The following ERC1 variants were observed in gnomAD, a reference collection of about 807,000 sequenced individuals.
ERC1 encodes RAB6 interacting protein 2.
Under a neutral mutation model 132.0 loss-of-function variants are expected in ERC1, and 56 were observed. That is an observed-to-expected ratio of 0.42 (90% CI 0.34 to 0.53). The LOEUF (loss-of-function observed/expected upper bound fraction) is 0.53, where lower values mean the gene tolerates loss of function less well. ERC1 is among the 20% of genes least tolerant of loss of function. ERC1 has a pLI of 0.03. For synonymous variants in ERC1, 478 were observed against 476.1 expected, an observed-to-expected ratio of 1.00 and a Z score of -0.05; for missense variants, 1,202 against 1,349.9, an observed-to-expected ratio of 0.89 and a Z score of 1.72.
intron 12 of ERC1, among the ~76,000 whole-genome samples, chr12:1,217,765 G>A (rs1330618478): frequency 1.3e-5 from 2 of 151,964 alleles, no homozygotes; most frequent in South Asian, 2.1e-4. Context: ...TTCCTTACCC[G>A]GGTCAGATTT....
chr12:1,238,113 CCAATAA>C (rs1011191142), intron 13 of ERC1, among the ~76,000 whole-genome samples: 5 of 151,090 alleles, frequency 3.3e-5, no homozygotes, highest in African/African-American at 1.2e-4. Flanking sequence ...CTCATCCTTG[CCAATAA>C]CAGTTAATAT....
chr12:1,287,892 A>G lies in ERC1; in HGVS notation c.2620-1960A>G, dbSNP rs142441276. ...GAGAATTCTGACTAAGGTACAGACA[A>G]TACCAAGCATTTATTTCTCGTTCAC... On this transcript the variant is annotated intron_variant, in intron 14 of 18. Coordinates refer to ENST00000360905, the MANE Select transcript of ERC1 (RefSeq NM_178040.4). Among the ~76,000 whole-genome samples, 77 of 152,340 alleles carry G rather than the reference A, an allele frequency of 5.1e-4. 1 individual carries two copies. In the East Asian group the frequency reaches 0.012, roughly 23 times the overall value.
chr12:1,484,288 AGC>A (rs1565530992), intron 18 of ERC1, among the ~76,000 whole-genome samples: 4 of 151,290 alleles, frequency 2.6e-5, no homozygotes, highest in Admixed American at 2.6e-4. Context: ...CTGGTGACAG[AGC>A]GAGACTCCGT....
intron 18 of ERC1, among the ~76,000 whole-genome samples, chr12:1,482,117 T>C (rs1389842747): frequency 1.3e-5 from 2 of 152,200 alleles, no homozygotes; most frequent in Non-Finnish European, 2.9e-5. Context: ...TGAGGAGTGA[T>C]GCCCATGTCT....
rs536239992 is a variant in ERC1, at chr12:1,355,761, A to T, written c.2781-16072A>T. Among the ~76,000 whole-genome samples, 18 of 152,316 alleles carry T rather than the reference A, an allele frequency of 1.2e-4. 1 individual carries two copies. The highest frequency in any genetic ancestry group is 4.3e-4 in the African/African-American group (18 of 41,570). ...TATTTTGGGAAACTGAATTCACTCT[A>T]CGAGGTGGGCACCAGTGAACCACTA... On this transcript the variant is annotated intron_variant, in intron 15 of 18. Transcript: ENST00000360905.
chr12:1,121,711 GTCTCTATCTCTATCTCTATCTCTA>G (rs1256113451), intron 7 of ERC1, among the ~76,000 whole-genome samples: 2 of 40,500 alleles, frequency 4.9e-5, no homozygotes, highest in African/African-American at 9.6e-5. Context: ...CTCTATCTGT[GTCTCTATCTCTATCTCTATCTCTA>G]TCTCTATCTA....
Position 1,480,876 on chromosome 12 carries a change from C to T in ERC1, c.3214-9217C>T, listed in dbSNP as rs141237756. 25 of 702,490 alleles carry T rather than the reference C, an allele frequency of 3.6e-5. No homozygotes were observed. The African/African-American group carries it at 3.7e-4, about 10-fold the overall frequency. 43.5% of individuals were successfully genotyped at this position (702,490 alleles called of 1,614,324 possible). ...GCATCCCAAAGCCATGGAAAAACTG[C>T]CTTTTTTCATGTGATGCTCATGGTA... On this transcript the variant is annotated intron_variant, in intron 18 of 18. Coordinates refer to ENST00000360905, the MANE Select transcript of ERC1 (RefSeq NM_178040.4).
rs577303312 is a variant in ERC1 at position 1,013,733 on chromosome 12, TGTCTGTCTGTCTTTGG to T, written c.-156-14001_-156-13986del. The stretch of plus-strand genomic sequence containing the variant: ...TAGATTTATTTTCTTTCTGTCTTTC[TGTCTGTCTGTCTTTGG>T]GTCTGTCTGTCTTCCTTTGTCACCC... On this transcript the variant is annotated intron_variant, in intron 1 of 18. Coordinates refer to ENST00000360905, the MANE Select transcript of ERC1 (RefSeq NM_178040.4). 1.0e-3 allele frequency among the ~76,000 whole-genome samples: 158 copies of T among 152,290 alleles called. 1 individual carries two copies. The highest frequency in any genetic ancestry group is 1.4e-3 in the Non-Finnish European group (92 of 68,030).
At position 1,341,281 on chromosome 12, in the gene ERC1, G is replaced by A. The variant is rs766641849; in HGVS notation, c.2781-30552G>A. On this transcript the variant is annotated intron_variant, in intron 15 of 18. Coordinates refer to ENST00000360905, the MANE Select transcript of ERC1 (RefSeq NM_178040.4). Reference sequence around the variant, plus strand: ...GCTAATCTGTTTTGTATTTTCAATAGAGACAGGGTTTCGCCATGTTCACCA... The same window carrying A: ...GCTAATCTGTTTTGTATTTTCAATAAAGACAGGGTTTCGCCATGTTCACCA... Among the ~76,000 whole-genome samples the A allele has an allele frequency of 1.1e-3, 165 of 151,584 alleles. 1 individual carries two copies. Among genetic ancestry groups the A allele is most frequent in the Non-Finnish European group, 1.6e-3 (108 of 67,876 alleles).
At position 1,106,244 on chromosome 12, in the gene ERC1, G is replaced by A. The variant is rs184597059; in HGVS notation, c.1161+1420G>A. 3.8e-3 allele frequency among the ~76,000 whole-genome samples: 577 copies of A among 152,246 alleles called. 3 individuals are homozygous for A. Among genetic ancestry groups the A allele is most frequent in the Admixed American group, 6.7e-3 (103 of 15,284 alleles). ...AAAAACACTTTGAACAGGACCTAGC[G>A]CATAGTAAACATTCAATCCATACTA... On this transcript the variant is annotated intron_variant, in intron 4 of 18. Transcript: ENST00000360905.
intron 15 of ERC1, among the ~76,000 whole-genome samples, chr12:1,318,568 G>A (rs1694223834): frequency 6.6e-6 from 1 of 152,160 alleles, no homozygotes. Context: ...GATTAATCAA[G>A]ACTATAATCA....
intron 8 of ERC1, among the ~76,000 whole-genome samples, chr12:1,153,732 C>A (rs1387247058): frequency 6.6e-6 from 1 of 152,226 alleles, no homozygotes; most frequent in Non-Finnish European, 1.5e-5. Flanking sequence ...GAAGCCCCTC[C>A]CTGGCCGTGC....
intron 2 of ERC1, among the ~76,000 whole-genome samples, chr12:1,031,049 A>G (rs1218583918): frequency 6.6e-6 from 1 of 152,200 alleles, no homozygotes; most frequent in African/African-American, 2.4e-5. Context: ...TTGTCTTACC[A>G]TTCTTACTAT....
At chr12:1,135,155 G>C (rs143027012) in intron 7 of ERC1, among the ~76,000 whole-genome samples, 1 of 152,148 alleles carries the variant, frequency 6.6e-6, no homozygotes, top group African/African-American at 2.4e-5. Flanking sequence ...TTGCCCAAAG[G>C]GGGCTTGGGA....
Position 1,155,362 on chromosome 12 carries a change from C to T in ERC1, c.1737+13575C>T, listed in dbSNP as rs11061654. 7.2e-3 allele frequency among the ~76,000 whole-genome samples: 1,096 copies of T among 151,492 alleles called. 15 individuals carry two copies. Among genetic ancestry groups the T allele is most frequent in the African/African-American group, 0.025 (1,035 of 41,300 alleles). ...AAGATTTATCATTTCATCCAGCAGT[C>T]CCACTACTAGGAGTCTACCCAAAGG... On this transcript the variant is annotated intron_variant, in intron 8 of 18. Coordinates refer to ENST00000360905, the MANE Select transcript of ERC1 (RefSeq NM_178040.4).
At chr12:998,425 A>G (rs1961404987) in intron 1 of ERC1, 1 of 152,178 alleles carries the variant, frequency 6.6e-6, no homozygotes, top group African/African-American at 2.4e-5. Flanking sequence ...GCTGTTTCCA[A>G]GCTCACTCAT....
chr12:1,315,518 T>C (rs1024126810), intron 15 of ERC1, among the ~76,000 whole-genome samples: 1 of 151,996 alleles, frequency 6.6e-6, no homozygotes, highest in Non-Finnish European at 1.5e-5. Flanking sequence ...GCCTAGCTAA[T>C]TTTTGTATTT....
chr12:1,202,001 A>C (rs1015704756), intron 12 of ERC1, among the ~76,000 whole-genome samples: 1 of 152,208 alleles, frequency 6.6e-6, no homozygotes, highest in Non-Finnish European at 1.5e-5. Context: ...TGTTTAAAAA[A>C]TGAAAAAACT....
chr12:1,058,639 C>T (rs1030503430), intron 2 of ERC1, among the ~76,000 whole-genome samples: 2 of 151,976 alleles, frequency 1.3e-5, no homozygotes, highest in South Asian at 2.1e-4. Context: ...ATGTCTTCTG[C>T]TTTGTTCTTT....
Sources: allele counts gnomAD v4.1 joint callset (sites outside exome capture counted in the v4.1 genomes callset), GRCh38; gene constraint gnomAD v4.1.1; transcripts MANE v1.5; gene names NCBI Gene and HGNC (gene_info 2026-07-23, HGNC 2026-07-21).